Variants in RGS9 observed in about 807,000 individuals in gnomAD.
RGS9 encodes the protein regulator of G-protein signalling 9.
Under a neutral mutation model 102.0 loss-of-function variants are expected in RGS9, and 78 were observed. The observed-to-expected ratio is 0.76, with a 90% CI of 0.64 to 0.92. The LOEUF is 0.92. Among genes scored for constraint, RGS9 ranks in the 40% least tolerant of loss-of-function variants. The pLI, the probability that RGS9 is intolerant of heterozygous loss-of-function variation, is 0.00. For synonymous variants in RGS9, 353 were observed against 318.6 expected, an observed-to-expected ratio of 1.11 and a Z score of -1.15; for missense variants, 833 against 866.1, an observed-to-expected ratio of 0.96 and a Z score of 0.48.
At position 65,197,207 on chromosome 17, in the gene RGS9, G is replaced by A. The variant is rs1295981295; in HGVS notation, c.942G>A (p.Gln314=). The A allele has an allele frequency of 1.9e-6, 3 of 1,613,588 alleles. No homozygotes were observed. Among genetic ancestry groups the A allele is most frequent in the Non-Finnish European group, 2.5e-6 (3 of 1,179,698 alleles). ...TGATCCGAGACCCCAAAGGTCGACA[G>A]AGCTTCCAGTACTTCCTCAAGAAAG... ...SELIRDPKGR[Q]SFQYFLKKEF... Residue 314 remains glutamine (Q), a synonymous_variant, in exon 13 of 19, where the codon CAG becomes CAA. Coordinates refer to ENST00000262406, the MANE Select transcript of RGS9 (RefSeq NM_003835.4).
At chr17:65,215,533 T>C (rs996059238) in intron 17 of RGS9, among the ~76,000 whole-genome samples, 5 of 141,480 alleles carry the variant, frequency 3.5e-5, no homozygotes, top group African/African-American at 3.0e-5. Flanking sequence ...TCTTTCTTTC[T>C]TTCTTTCTTT....
intron 3 of RGS9, among the ~76,000 whole-genome samples, chr17:65,159,612 G>T (rs1010760300): frequency 6.6e-6 from 1 of 152,160 alleles, no homozygotes; most frequent in Non-Finnish European, 1.5e-5. Flanking sequence ...AGGATGGAAG[G>T]ATATCTGCTT....
chr17:65,211,286 C>T (rs1366215308), intron 17 of RGS9, among the ~76,000 whole-genome samples: 1 of 152,182 alleles, frequency 6.6e-6, no homozygotes, highest in African/African-American at 2.4e-5. Context: ...AGACGTTTCT[C>T]CTGTTGAGTT....
At chr17:65,157,185 T>C (rs1375575071) in intron 2 of RGS9, among the ~76,000 whole-genome samples, 1 of 152,202 alleles carries the variant, frequency 6.6e-6, no homozygotes, top group Non-Finnish European at 1.5e-5. Context: ...TATGTGGGCC[T>C]GTTTCCATGC....
intron 17 of RGS9, among the ~76,000 whole-genome samples, chr17:65,211,178 T>C (rs975640320): frequency 3.3e-5 from 5 of 152,234 alleles, no homozygotes; most frequent in African/African-American, 9.6e-5. Flanking sequence ...ATTTAGACTA[T>C]TGTTTCCAAA....
chr17:65,160,266 A>T lies in RGS9; in HGVS notation c.239A>T (p.Tyr80Phe). Residue 80 changes from tyrosine to phenylalanine, a missense_variant, in exon 4 of 19, where the codon TAT becomes TTT. Around this residue, in one of 3 missense-constraint regions of RGS9, gnomAD observed 328 missense variants for 340.6 expected, o/e 0.96. Transcript: ENST00000262406. ...AQNLGNFIVR[Y>F]GYIYPLQDPK... is the part of the protein sequence containing the mutation. Reference sequence around the variant, plus strand: ...AACTTGGGCAACTTTATTGTCAGGTATGGCTACATTTACCCCCTGCAAGAC... The same window carrying T: ...AACTTGGGCAACTTTATTGTCAGGTTTGGCTACATTTACCCCCTGCAAGAC... 6.2e-7 allele frequency: 1 copy of T among 1,614,198 alleles called. No homozygotes were observed. Among genetic ancestry groups the T allele is most frequent in the Non-Finnish European group, 8.5e-7 (1 of 1,180,018 alleles).
intron 13 of RGS9, among the ~76,000 whole-genome samples, chr17:65,198,612 G>A (rs974385853): frequency 6.6e-6 from 1 of 152,150 alleles, no homozygotes; most frequent in Non-Finnish European, 1.5e-5. Flanking sequence ...AAAACACGAG[G>A]CCAGATCAGA....
At chr17:65,158,067 C>T (rs1274030983) in intron 2 of RGS9, among the ~76,000 whole-genome samples, 2 of 151,932 alleles carry the variant, frequency 1.3e-5, no homozygotes, top group East Asian at 1.9e-4. Context: ...GCTGGGGGTG[C>T]GTGCGGTGTT....
intron 10 of RGS9, 107 bp from the exon 11 acceptor site, chr17:65,190,068 A>C (rs1912306704): frequency 1.1e-6 from 1 of 893,400 alleles, no homozygotes; most frequent in African/African-American, 1.6e-5. Context: ...TGGGCATGGA[A>C]CGGGATGTGG....
chr17:65,174,869 C>T (rs1044269090), intron 8 of RGS9, among the ~76,000 whole-genome samples: 1 of 152,132 alleles, frequency 6.6e-6, no homozygotes, highest in South Asian at 2.1e-4. Context: ...GACATGGTGG[C>T]AGGCGAGAGA....
intron 13 of RGS9, among the ~76,000 whole-genome samples, chr17:65,200,678 C>A (rs1285420001): frequency 6.6e-6 from 1 of 152,092 alleles, no homozygotes; most frequent in Non-Finnish European, 1.5e-5. Context: ...ATATGAAGCA[C>A]CCAGGAGCTT....
intron 1 of RGS9, among the ~76,000 whole-genome samples, chr17:65,150,057 C>G (rs938927583): frequency 6.6e-6 from 1 of 152,152 alleles, no homozygotes; most frequent in African/African-American, 2.4e-5. Context: ...GGAGGGGAAG[C>G]AGGTAAATGG....
intron 7 of RGS9, among the ~76,000 whole-genome samples, chr17:65,164,284 G>A (rs548145739): frequency 3.0e-4 from 46 of 152,302 alleles, no homozygotes; most frequent in African/African-American, 7.2e-4. Context: ...GGCTTTGTGC[G>A]TTGCTTAGCA....
chr17:65,159,203 A>C, intron 3 of RGS9, among the ~76,000 whole-genome samples: 1 of 127,598 alleles, frequency 7.8e-6, no homozygotes, highest in South Asian at 2.7e-4. Context: ...TCCTTTACCT[A>C]CCCAAATCTT....
intron 13 of RGS9, among the ~76,000 whole-genome samples, chr17:65,198,924 G>A (rs960101807): frequency 5.3e-5 from 8 of 152,146 alleles, no homozygotes; most frequent in Admixed American, 2.6e-4. Flanking sequence ...ATGGACTGGC[G>A]AATAAGTGGT....
At chr17:65,205,053 G>C (rs547824954) in intron 15 of RGS9, among the ~76,000 whole-genome samples, 2 of 152,320 alleles carry the variant, frequency 1.3e-5, no homozygotes, top group South Asian at 4.1e-4. Context: ...GTAAGACCCT[G>C]TGAGAATTTA....
chr17:65,216,436 G>A (rs183788174), intron 17 of RGS9, among the ~76,000 whole-genome samples: 1 of 152,216 alleles, frequency 6.6e-6, no homozygotes, highest in African/African-American at 2.4e-5. Context: ...TCAGGAAATC[G>A]AAGCATCCTG....
At chr17:65,226,769 C>T (rs751352775) in intron 18 of RGS9, among the ~76,000 whole-genome samples, 7 of 152,120 alleles carry the variant, frequency 4.6e-5, no homozygotes, top group Admixed American at 1.3e-4. Context: ...CATGCCACCA[C>T]GCCCGGCTAA....
At chr17:65,189,428 C>T (rs1912272885) in intron 10 of RGS9, 113 bp downstream of exon 10, 1 of 826,492 alleles carries the variant, frequency 1.2e-6, no homozygotes, top group African/African-American at 1.7e-5. Flanking sequence ...GTGCAATGTT[C>T]AAACAATTAT....
Sources: allele counts gnomAD v4.1 joint callset (sites outside exome capture counted in the v4.1 genomes callset), GRCh38; gene constraint gnomAD v4.1.1; regional missense constraint gnomAD v4.1.1; transcripts MANE v1.5; gene names NCBI Gene and HGNC (gene_info 2026-07-23, HGNC 2026-07-21).